The following DENND1A variants were observed in gnomAD, a reference collection of about 807,000 sequenced individuals.
DENND1A encodes DENN domain-containing protein 1A.
DENND1A carries 51 observed loss-of-function variants against 113.7 expected under a neutral mutation model. The ratio of observed to expected loss-of-function variants is 0.45; its 90% CI spans 0.36 to 0.57. The LOEUF is 0.57. Ranked by LOEUF, DENND1A falls within the 20% of genes least tolerant of loss-of-function variation. The pLI is 0.00. For synonymous variants in DENND1A, 565 were observed against 570.8 expected, an observed-to-expected ratio of 0.99 and a Z score of 0.14; for missense variants, 1,258 against 1,395.9, an observed-to-expected ratio of 0.90 and a Z score of 1.57.
chr9:123,525,758 CTTTTTTTT>C (rs34055700), intron 13 of DENND1A, among the ~76,000 whole-genome samples: 4 of 129,844 alleles, frequency 3.1e-5, no homozygotes, highest in Non-Finnish European at 4.7e-5. Context: ...TGCAGTCTAC[CTTTTTTTT>C]TTTTTTTTTT....
intron 19 of DENND1A, among the ~76,000 whole-genome samples, chr9:123,425,437 C>T (rs1268769277): frequency 2.0e-5 from 3 of 152,276 alleles, no homozygotes; most frequent in Admixed American, 6.5e-5. Flanking sequence ...CCTGGCGCCG[C>T]GTGCGGGGAT....
intron 5 of DENND1A, among the ~76,000 whole-genome samples, chr9:123,703,042 C>A (rs1030423587): frequency 1.2e-4 from 18 of 152,244 alleles, no homozygotes; most frequent in Admixed American, 1.1e-3. Flanking sequence ...AGTGTAGTGG[C>A]GCGATCTCGG....
At chr9:123,739,719 G>C (rs1261652654) in intron 5 of DENND1A, among the ~76,000 whole-genome samples, 1 of 152,092 alleles carries the variant, frequency 6.6e-6, no homozygotes, top group Non-Finnish European at 1.5e-5. Context: ...CAGCTGCAAA[G>C]AACTATTAAT....
intron 2 of DENND1A, among the ~76,000 whole-genome samples, chr9:123,813,230 G>A (rs1836916681): frequency 6.6e-6 from 1 of 152,160 alleles, no homozygotes; most frequent in African/African-American, 2.4e-5. Context: ...CCCAATATGT[G>A]GGATTACAGG....
intron 8 of DENND1A, among the ~76,000 whole-genome samples, chr9:123,657,463 C>G (rs919203967): frequency 6.6e-6 from 1 of 152,056 alleles, no homozygotes; most frequent in African/African-American, 2.4e-5. Flanking sequence ...AGAGAGAAAG[C>G]GTCTTAGGTT....
At chr9:123,774,911 C>T (rs192970525) in intron 3 of DENND1A, among the ~76,000 whole-genome samples, 2 of 152,140 alleles carry the variant, frequency 1.3e-5, no homozygotes, top group African/African-American at 4.8e-5. Context: ...AGGCTTTCAA[C>T]AGTGAAAGAG....
intron 1 of DENND1A, among the ~76,000 whole-genome samples, chr9:123,902,187 A>G (rs1030940447): frequency 1.5e-4 from 22 of 151,236 alleles, no homozygotes; most frequent in Admixed American, 5.9e-4. Context: ...ACACACACAC[A>G]CACACACACA....
intron 13 of DENND1A, among the ~76,000 whole-genome samples, chr9:123,534,103 C>A (rs965560710): frequency 6.6e-6 from 1 of 152,208 alleles, no homozygotes; most frequent in African/African-American, 2.4e-5. Context: ...TTATATTAAG[C>A]AACATAGCAT....
At chr9:123,540,939 C>G (rs1231754208) in intron 13 of DENND1A, among the ~76,000 whole-genome samples, 26 of 152,210 alleles carry the variant, frequency 1.7e-4, no homozygotes, top group Non-Finnish European at 2.9e-5. Context: ...AGACCTGGCT[C>G]TAGTCCGACT....
At chr9:123,493,855 G>A (rs2051614409) in intron 13 of DENND1A, among the ~76,000 whole-genome samples, 1 of 152,178 alleles carries the variant, frequency 6.6e-6, no homozygotes, top group African/African-American at 2.4e-5. Flanking sequence ...CCCCTCCATT[G>A]CTTCACCAAT....
chr9:123,575,767 G>T (rs1230505044), intron 12 of DENND1A, among the ~76,000 whole-genome samples: 1 of 152,190 alleles, frequency 6.6e-6, no homozygotes. Context: ...CTTGTATAAG[G>T]ATGATTTGTT....
intron 2 of DENND1A, among the ~76,000 whole-genome samples, chr9:123,796,401 C>T (rs1199016787): frequency 6.6e-6 from 1 of 152,170 alleles, no homozygotes; most frequent in East Asian, 1.9e-4. Context: ...CAGGAAAAAA[C>T]TGATCTCCTA....
At chr9:123,520,456 CA>C (rs2054306098) in intron 13 of DENND1A, among the ~76,000 whole-genome samples, 2 of 152,182 alleles carry the variant, frequency 1.3e-5, no homozygotes, top group Non-Finnish European at 2.9e-5. Context: ...TCCATCTCAA[CA>C]ACAACAAAAA....
Position 123,463,939 on chromosome 9 carries a change from C to T in DENND1A, c.994-6042G>A, listed in dbSNP as rs1219873891. On this transcript the variant is annotated intron_variant, in intron 13 of 23. Coordinates refer to ENST00000394215, the MANE Select transcript of DENND1A (RefSeq NM_001352964.2). ...AAAAAAAAAATTAAAAATAAAAAAACAAATAATAATAAAAAGAGCTGATGC... is the reference window on the plus strand; with the variant it reads ...AAAAAAAAAATTAAAAATAAAAAAATAAATAATAATAAAAAGAGCTGATGC... Among the ~76,000 whole-genome samples, 6 of 147,766 alleles carry T rather than the reference C, an allele frequency of 4.1e-5. No homozygotes were observed. The East Asian group carries it at 1.2e-3, about 29-fold the overall frequency.
chr9:123,401,502 T>C, intron 21 of DENND1A: 1 of 1,245,376 alleles, frequency 8.0e-7, no homozygotes, highest in Non-Finnish European at 1.0e-6. Flanking sequence ...TCTGTCTCCT[T>C]GTGGGCCCGA....
At chr9:123,567,821 C>T (rs889230212) in intron 12 of DENND1A, among the ~76,000 whole-genome samples, 4 of 152,220 alleles carry the variant, frequency 2.6e-5, no homozygotes, top group South Asian at 2.1e-4. Context: ...AAGATGCCTG[C>T]TTCCCTAAAG....
intron 3 of DENND1A, among the ~76,000 whole-genome samples, chr9:123,779,592 T>G (rs1363392302): frequency 6.6e-6 from 1 of 152,120 alleles, no homozygotes; most frequent in African/African-American, 2.4e-5. Context: ...CTCTGCCTCC[T>G]GGGCTCAAGC....
At chr9:123,385,174 T>G (rs1320562633) in intron 22 of DENND1A, among the ~76,000 whole-genome samples, 1 of 152,114 alleles carries the variant, frequency 6.6e-6, no homozygotes, top group East Asian at 1.9e-4. Context: ...TTTTATATTT[T>G]TATTTTTCAG....
chr9:123,773,971 G>T (rs1370583221), intron 3 of DENND1A, among the ~76,000 whole-genome samples: 1 of 152,016 alleles, frequency 6.6e-6, no homozygotes, highest in African/African-American at 2.4e-5. Context: ...GCTGAAAGCC[G>T]ATATAGCAGT....
Sources: allele counts gnomAD v4.1 joint callset (sites outside exome capture counted in the v4.1 genomes callset), GRCh38; gene constraint gnomAD v4.1.1; transcripts MANE v1.5; gene names NCBI Gene and HGNC (gene_info 2026-07-23, HGNC 2026-07-21).